Variants in OSBPL1A observed in about 807,000 individuals in gnomAD.
OSBPL1A encodes oxysterol binding protein like 1A, also known as oxysterol-binding protein-related protein 1.
In OSBPL1A, 80 loss-of-function variants were observed where a neutral mutation model predicts 137.1. That is an observed-to-expected ratio of 0.58 (90% CI 0.49 to 0.70). The LOEUF is 0.70. Among genes scored for constraint, OSBPL1A ranks in the 30% least tolerant of loss-of-function variants. OSBPL1A has a pLI of 0.00. For synonymous variants in OSBPL1A, 365 were observed against 389.7 expected (o/e 0.94, Z 0.75); for missense variants, 970 against 1,129.4 (o/e 0.86, Z 2.02).
intron 26 of OSBPL1A, 135 bp downstream of exon 26, chr18:24,166,444 G>T: frequency 9.1e-7 from 1 of 1,104,826 alleles, no homozygotes. Context: ...TAAATTGAAT[G>T]TTAACTCAAA....
At chr18:24,173,857 C>T (rs1442287938) in intron 21 of OSBPL1A, among the ~76,000 whole-genome samples, 1 of 152,250 alleles carries the variant, frequency 6.6e-6, no homozygotes, top group African/African-American at 2.4e-5. Flanking sequence ...CCCACAAACA[C>T]TTTGTTCATA....
At chr18:24,214,040 C>G (rs970105432) in intron 17 of OSBPL1A, among the ~76,000 whole-genome samples, 1 of 152,170 alleles carries the variant, frequency 6.6e-6, no homozygotes, top group South Asian at 2.1e-4. Flanking sequence ...TTACTATAGG[C>G]CTGCTTCACA....
chr18:24,332,620 G>C (rs192585493), intron 7 of OSBPL1A, among the ~76,000 whole-genome samples: 1 of 149,168 alleles, frequency 6.7e-6, no homozygotes, highest in Non-Finnish European at 1.5e-5. Flanking sequence ...TGAAAATGTT[G>C]TGACCCAAGG....
chr18:24,379,682 G>A (rs1906445405), intron 1 of OSBPL1A, among the ~76,000 whole-genome samples: 1 of 151,550 alleles, frequency 6.6e-6, no homozygotes, highest in South Asian at 2.1e-4. Flanking sequence ...AGCCTAATAC[G>A]GTGAAACCTC....
intron 7 of OSBPL1A, chr18:24,321,895 G>T: frequency 3.0e-6 from 1 of 333,046 alleles, no homozygotes; most frequent in South Asian, 2.4e-5. Context: ...TATGCTATTT[G>T]ATTTCTGAAG....
At chr18:24,239,890 G>A (rs1384558447) in intron 15 of OSBPL1A, among the ~76,000 whole-genome samples, 1 of 150,404 alleles carries the variant, frequency 6.6e-6, no homozygotes, top group African/African-American at 2.4e-5. Flanking sequence ...AGGTTGCCTG[G>A]TAATGACTAC....
Position 24,196,160 on chromosome 18 carries a change from T to A in OSBPL1A, c.1642A>T (p.Ser548Cys). 5.0e-6 allele frequency: 8 copies of A among 1,611,690 alleles called. No individual in the cohort carries two copies. The highest frequency in any genetic ancestry group is 6.8e-6 in the Non-Finnish European group (8 of 1,179,578). The part of the protein sequence containing the change: ...PSPMFSRNDF[S>C]IWSILRKCIG... ...CATTTTCTGAGGATGCTCCAGATAC[T>A]GAAGTCATTTCTGGAAAACATAGGA... The change falls in exon 18 of 28, where the codon AGT (serine) becomes TGT (cysteine). Residue 548 changes from serine to cysteine, a missense_variant. By Grantham distance (112) the Ser-to-Cys change is moderately radical. This residue lies in a region of OSBPL1A where 647 missense variants were observed against 672.6 expected (regional missense o/e 0.96). Coordinates refer to ENST00000319481, the MANE Select transcript of OSBPL1A (RefSeq NM_080597.4).
chr18:24,181,007 G>A (rs2086592549), intron 19 of OSBPL1A, 138 bp downstream of exon 19: 1 of 1,008,658 alleles, frequency 9.9e-7, no homozygotes, highest in Admixed American at 2.6e-5. Flanking sequence ...GGACAGTCCA[G>A]ACATGCGGAC....
At chr18:24,308,594 C>A (rs904233052) in intron 13 of OSBPL1A, among the ~76,000 whole-genome samples, 3 of 151,846 alleles carry the variant, frequency 2.0e-5, no homozygotes, top group Admixed American at 1.3e-4. Flanking sequence ...ATAAAACCCC[C>A]ACTTTGCTAG....
intron 15 of OSBPL1A, among the ~76,000 whole-genome samples, chr18:24,243,984 T>G (rs2088802582): frequency 6.6e-6 from 1 of 152,232 alleles, no homozygotes; most frequent in African/African-American, 2.4e-5. Flanking sequence ...GAAGGATCAC[T>G]GAAACGATGT....
At chr18:24,391,090 A>G (rs931402497) in intron 1 of OSBPL1A, among the ~76,000 whole-genome samples, 2 of 152,208 alleles carry the variant, frequency 1.3e-5, no homozygotes, top group Non-Finnish European at 2.9e-5. Context: ...CGACAAAGCA[A>G]GACTCTGTCT....
At chr18:24,352,763 A>G (rs1429993980) in intron 4 of OSBPL1A, among the ~76,000 whole-genome samples, 3 of 152,204 alleles carry the variant, frequency 2.0e-5, no homozygotes, top group Non-Finnish European at 2.9e-5. Flanking sequence ...ATAATGCTGC[A>G]TATCTACAAC....
At chr18:24,286,232 CT>C (rs1247528867) in intron 14 of OSBPL1A, among the ~76,000 whole-genome samples, 27 of 152,164 alleles carry the variant, frequency 1.8e-4, no homozygotes, top group African/African-American at 6.3e-4. Context: ...TCAGTACTCT[CT>C]TTTCAAAACA....
At chr18:24,233,806 G>A (rs2088357796) in intron 16 of OSBPL1A, among the ~76,000 whole-genome samples, 1 of 152,038 alleles carries the variant, frequency 6.6e-6, no homozygotes, top group South Asian at 2.1e-4. Context: ...GTGCCACCAT[G>A]CCCGGATAAA....
chr18:24,353,584 T>C (rs1332903652), intron 4 of OSBPL1A, among the ~76,000 whole-genome samples: 1 of 151,530 alleles, frequency 6.6e-6, no homozygotes, highest in African/African-American at 2.4e-5. Context: ...ACCCAAAGGA[T>C]TATAAATCAT....
intron 17 of OSBPL1A, among the ~76,000 whole-genome samples, chr18:24,208,716 T>C (rs1186847190): frequency 6.6e-6 from 1 of 152,188 alleles, no homozygotes; most frequent in African/African-American, 2.4e-5. Flanking sequence ...TAGCACACAT[T>C]GCTGAGATCA....
At chr18:24,338,079 CTT>C (rs112484418) in intron 5 of OSBPL1A, among the ~76,000 whole-genome samples, 19 of 142,622 alleles carry the variant, frequency 1.3e-4, no homozygotes, top group Non-Finnish European at 1.2e-4. Flanking sequence ...CTTTTTCTTT[CTT>C]TTTTTTTTTT....
chr18:24,353,543 T>C (rs1180831913), intron 4 of OSBPL1A, among the ~76,000 whole-genome samples: 3 of 151,784 alleles, frequency 2.0e-5, no homozygotes, highest in Admixed American at 1.3e-4. Context: ...AGAAATACCA[T>C]TTGACCCAGC....
At chr18:24,315,257 A>G (rs2090697113) in intron 11 of OSBPL1A, among the ~76,000 whole-genome samples, 1 of 152,160 alleles carries the variant, frequency 6.6e-6, no homozygotes, top group African/African-American at 2.4e-5. Context: ...TTGGACATTA[A>G]TAAAGCAAAC....
Sources: allele counts gnomAD v4.1 joint callset (sites outside exome capture counted in the v4.1 genomes callset), GRCh38; gene constraint gnomAD v4.1.1; regional missense constraint gnomAD v4.1.1; transcripts MANE v1.5; gene names NCBI Gene and HGNC (gene_info 2026-07-23, HGNC 2026-07-21).